DYDC1: variants seen among roughly 807,000 people sequenced by gnomAD.
DYDC1 encodes the protein DPY30 domain containing 1, also known as DPY30 domain-containing protein 1.
In DYDC1, 21 loss-of-function variants were observed where a neutral mutation model predicts 27.9. The observed-to-expected ratio is 0.75, with a 90% CI of 0.53 to 1.08. The LOEUF (loss-of-function observed/expected upper bound fraction) is 1.08, where lower values mean the gene tolerates loss of function less well. DYDC1 is among the 50% of genes least tolerant of loss of function. DYDC1 has a pLI of 0.00. For synonymous variants in DYDC1, 67 were observed against 65.8 expected (o/e 1.02, Z -0.09); for missense variants, 202 against 205.9 (o/e 0.98, Z 0.12).
intron 3 of DYDC1, among the ~76,000 whole-genome samples, chr10:80,345,027 C>T (rs769008541): frequency 1.5e-4 from 23 of 149,038 alleles, no homozygotes; most frequent in African/African-American, 5.8e-4. Flanking sequence ...TAGAAAAAGG[C>T]TGAGCTGAAC....
At chr10:80,350,989 A>G (rs772160271) in intron 3 of DYDC1, among the ~76,000 whole-genome samples, 1 of 152,212 alleles carries the variant, frequency 6.6e-6, no homozygotes, top group Non-Finnish European at 1.5e-5. Flanking sequence ...AGTGAAGAGA[A>G]TCACATCATC....
chr10:80,346,476 T>TTTTTTTTTTC (rs1193935552), intron 3 of DYDC1, among the ~76,000 whole-genome samples: 1 of 141,408 alleles, frequency 7.1e-6, no homozygotes, highest in African/African-American at 2.7e-5. Flanking sequence ...TTTTTTCTTT[T>TTTTTTTTTTC]TTGAGACGGA....
chr10:80,349,112 C>T (rs1589514799), intron 3 of DYDC1, among the ~76,000 whole-genome samples: 1 of 152,242 alleles, frequency 6.6e-6, no homozygotes, highest in African/African-American at 2.4e-5. Flanking sequence ...AGGATGGTCT[C>T]GATCTCCTGA....
At chr10:80,349,146 C>T (rs926435303) in intron 3 of DYDC1, among the ~76,000 whole-genome samples, 3 of 152,226 alleles carry the variant, frequency 2.0e-5, no homozygotes, top group Admixed American at 6.5e-5. Flanking sequence ...CCGCCTCGGC[C>T]TCCCAAAGTG....
chr10:80,346,651 G>A (rs113417775), intron 3 of DYDC1, among the ~76,000 whole-genome samples: 7 of 151,012 alleles, frequency 4.6e-5, no homozygotes, highest in African/African-American at 1.5e-4. Context: ...TAGTAGAGAC[G>A]GGGTTTCACC....
chr10:80,343,507 C>T (rs566550349), intron 3 of DYDC1, among the ~76,000 whole-genome samples: 2 of 152,132 alleles, frequency 1.3e-5, no homozygotes, highest in African/African-American at 4.8e-5. Flanking sequence ...GGATGGGTGG[C>T]TTATTCCTGT....
rs1842358378 is a variant in DYDC1, at chr10:80,342,307, T to A, written c.304A>T (p.Ile102Leu). The A allele has an allele frequency of 2.5e-6, 4 of 1,614,014 alleles. No individual in the cohort carries two copies. Among genetic ancestry groups the A allele is most frequent in the Non-Finnish European group, 3.4e-6 (4 of 1,180,000 alleles). Residue 102 changes from isoleucine (I) to leucine (L), a missense_variant, in exon 4 of 7, where the codon ATA becomes TTA. Ile to Leu is a conservative substitution (Grantham distance 5, BLOSUM62 2). Coordinates refer to ENST00000372202, the MANE Select transcript of DYDC1 (RefSeq NM_001269053.2). ...LEMQEKERQRIQELQRAQEQL... is the reference protein window; with the variant it reads ...LEMQEKERQRLQELQRAQEQL... Reference sequence around the variant, plus strand: ...TCTTGAGCTCTCTGTAGTTCTTGTATTCTCTGCCTCTCCTTTTCTTGCATT... The same window carrying A: ...TCTTGAGCTCTCTGTAGTTCTTGTAATCTCTGCCTCTCCTTTTCTTGCATT...
At chr10:80,339,661 C>T (rs557942830) in intron 4 of DYDC1, among the ~76,000 whole-genome samples, 21 of 152,142 alleles carry the variant, frequency 1.4e-4, no homozygotes, top group Non-Finnish European at 2.4e-4. Flanking sequence ...ATAAGGGAGG[C>T]CTCTTTCTGA....
rs1462578716 is a variant in DYDC1 at position 80,352,465 on chromosome 10, A to G, written c.137T>C (p.Met46Thr). 2.5e-6 allele frequency: 4 copies of G among 1,602,730 alleles called. No homozygotes were observed. Among genetic ancestry groups the G allele is most frequent in the Non-Finnish European group, 3.4e-6 (4 of 1,175,612 alleles). Residue 46 changes from methionine (M) to threonine (T), a missense_variant, in exon 2 of 7, where the codon ATG (methionine) becomes ACG (threonine). Transcript: ENST00000372202. ...GAGATTCCTACTTACCAGTTGTTCCATGGTCACATTTTCCTTATACTTGTA... is the reference window on the plus strand; with the variant it reads ...GAGATTCCTACTTACCAGTTGTTCCGTGGTCACATTTTCCTTATACTTGTA... ...WIYKYKENVT[M>T]EQLRQKEMAK...
intron 3 of DYDC1, among the ~76,000 whole-genome samples, chr10:80,349,027 G>A (rs1349723631): frequency 1.3e-5 from 2 of 152,112 alleles, no homozygotes; most frequent in Non-Finnish European, 2.9e-5. Flanking sequence ...GAGTAGCTGG[G>A]ACTACAGGAG....
intron 3 of DYDC1, among the ~76,000 whole-genome samples, chr10:80,345,867 C>T (rs965764121): frequency 2.0e-5 from 3 of 152,056 alleles, no homozygotes; most frequent in Admixed American, 1.3e-4. Flanking sequence ...ATACATCTTA[C>T]GTTTTTTCAA....
Position 80,336,146 on chromosome 10 carries a change from T to C in DYDC1, c.*10A>G. On this transcript the variant is annotated 3_prime_UTR_variant, in exon 7 of 7. Transcript: ENST00000372202. Reference sequence around the variant, plus strand: ...AACAAAAACATTTATTGCTCTTAGGTTGGTTGGTCCTACAAATCTTGATCA... The same window carrying C: ...AACAAAAACATTTATTGCTCTTAGGCTGGTTGGTCCTACAAATCTTGATCA... 1 of 1,442,174 alleles carries C rather than the reference T, an allele frequency of 6.9e-7. No individual in the cohort carries two copies. Among genetic ancestry groups the C allele is most frequent in the South Asian group, 1.2e-5 (1 of 82,044 alleles). The allele number at this position is 1,442,174 out of a possible 1,614,324, so 89.3% of individuals were successfully genotyped here.
chr10:80,352,738 G>A, intron 1 of DYDC1, 128 bp from the exon 2 acceptor site: 1 of 1,173,824 alleles, frequency 8.5e-7, no homozygotes, highest in South Asian at 3.5e-5. Flanking sequence ...TCCCATTGGG[G>A]GTGTCACAAG....
intron 3 of DYDC1, among the ~76,000 whole-genome samples, chr10:80,346,287 C>T (rs1242891997): frequency 6.6e-6 from 1 of 152,090 alleles, no homozygotes; most frequent in Non-Finnish European, 1.5e-5. Context: ...TGAATATATA[C>T]TGAGAAGAGG....
chr10:80,354,129 AAT>A (rs1208621866), intron 1 of DYDC1, among the ~76,000 whole-genome samples: 1 of 147,600 alleles, frequency 6.8e-6, no homozygotes, highest in Non-Finnish European at 1.5e-5. Flanking sequence ...TATAAAAAAA[AAT>A]ATATATATAT....
At chr10:80,337,087 G>A (rs1842154796) in intron 6 of DYDC1, 2 of 971,846 alleles carry the variant, frequency 2.1e-6, no homozygotes, top group Admixed American at 6.2e-5. Flanking sequence ...CTCCATGGAC[G>A]TTAGCCATTA....
chr10:80,352,675 T>A, intron 1 of DYDC1, 65 bp from the exon 2 acceptor site: 1 of 1,507,558 alleles, frequency 6.6e-7, no homozygotes. Context: ...AAAACTAAAG[T>A]CCAGTGAGGT....
chr10:80,338,788 C>T (rs1418350138), intron 5 of DYDC1, among the ~76,000 whole-genome samples: 1 of 152,040 alleles, frequency 6.6e-6, no homozygotes, highest in Admixed American at 6.6e-5. Context: ...AATACTAGAA[C>T]TTTTTTTAAA....
rs1302777155 is a variant in DYDC1, at chr10:80,349,095, G to A, written c.249+2806C>T. On this transcript the variant is annotated intron_variant, in intron 3 of 6. Coordinates refer to ENST00000372202, the MANE Select transcript of DYDC1 (RefSeq NM_001269053.2). ...TTTAGTAGAGACGGGGTTTCACCGC[G>A]TTCGCCAGGATGGTCTCGATCTCCT... is the stretch of plus-strand genomic sequence containing the variant. Among the ~76,000 whole-genome samples the A allele has an allele frequency of 5.3e-5, 8 of 152,212 alleles. 1 individual carries two copies. The highest frequency in any genetic ancestry group is 8.8e-5 in the Non-Finnish European group (6 of 68,002).
Sources: allele counts gnomAD v4.1 joint callset (sites outside exome capture counted in the v4.1 genomes callset), GRCh38; gene constraint gnomAD v4.1.1; transcripts MANE v1.5; gene names NCBI Gene and HGNC (gene_info 2026-07-23, HGNC 2026-07-21).